The following SPIRE2 variants were observed in gnomAD, a reference collection of about 807,000 sequenced individuals.
SPIRE2 encodes the protein protein spire homolog 2.
A neutral mutation model predicts 80.7 loss-of-function variants in SPIRE2; 76 were observed. The ratio of observed to expected loss-of-function variants is 0.94; its 90% CI spans 0.78 to 1.14. The LOEUF is 1.14. Ranked by LOEUF, SPIRE2 falls within the 50% of genes most tolerant of loss-of-function variation. The pLI is 0.00. For synonymous variants in SPIRE2, 535 were observed against 432.6 expected, an observed-to-expected ratio of 1.24 and a Z score of -2.94; for missense variants, 1,196 against 1,015.3, an observed-to-expected ratio of 1.18 and a Z score of -2.42.
At chr16:89,854,719 G>A in intron 5 of SPIRE2, 68 bp downstream of exon 5, 12 of 1,552,752 alleles carry the variant, frequency 7.7e-6, no homozygotes, top group Non-Finnish European at 1.0e-5. Flanking sequence ...GGACGCAGAT[G>A]AGCAGCCTGG....
chr16:89,829,246 C>T (rs1335624766), intron 1 of SPIRE2, among the ~76,000 whole-genome samples: 1 of 152,190 alleles, frequency 6.6e-6, no homozygotes, highest in Non-Finnish European at 1.5e-5. Flanking sequence ...CCTCACTTGG[C>T]GTCTGAACTG....
In SPIRE2 at chr16:89,850,461, A is replaced by G. The variant is rs1367543600; in HGVS notation, c.446A>G (p.Tyr149Cys). The G allele has an allele frequency of 6.4e-7, 1 of 1,560,798 alleles. No individual in the cohort carries two copies. The highest frequency in any genetic ancestry group is 1.8e-5 in the Admixed American group (1 of 54,208). Residue 149 changes from tyrosine (Y) to cysteine (C), a missense_variant, in exon 3 of 15, where the codon TAC (tyrosine) becomes TGC (cysteine). Transcript: ENST00000378247. ...GGCTGCGGTGCCGCCGATGAGGGCT[A>G]CGGGGGTCCCGAGGAGGAGGAGGAG... ...DSGCGAADEG[Y>C]GGPEEEEEAE...
chr16:89,836,817 T>A (rs1381695963), intron 1 of SPIRE2, among the ~76,000 whole-genome samples: 2 of 142,238 alleles, frequency 1.4e-5, no homozygotes, highest in Non-Finnish European at 3.0e-5. Flanking sequence ...CCGTCTCTAC[T>A]GAAAAAAAAA....
intron 2 of SPIRE2, chr16:89,845,723 C>G (rs2041552812): frequency 1.6e-6 from 1 of 637,832 alleles, no homozygotes; most frequent in Admixed American, 2.4e-5. Flanking sequence ...CAGGAAAAAT[C>G]AGCCTGGTGA....
rs767009992 is a variant in SPIRE2 at position 89,863,902 on chromosome 16, G to A, written c.1778+41G>A. ...AGCTGTCAGTTCACAAGGGAAGGAG[G>A]AGGCGAGAAACCTCGGGGCAGTACC... On this transcript the variant is annotated intron_variant, in intron 12 of 14. Transcript: ENST00000378247. The surrounding 1 kb of genome is among the most constrained non-coding windows in gnomAD (Gnocchi z 4.3). 20 of 1,547,580 alleles carry A rather than the reference G, an allele frequency of 1.3e-5. No homozygotes were observed. The highest frequency in any genetic ancestry group is 1.4e-5 in the Non-Finnish European group (16 of 1,127,164).
chr16:89,856,795 C>T (rs1437787382), intron 7 of SPIRE2, among the ~76,000 whole-genome samples: 1 of 151,870 alleles, frequency 6.6e-6, no homozygotes, highest in Non-Finnish European at 1.5e-5. Context: ...CTCAGTAGCT[C>T]ATGCCTTGTA....
Position 89,855,836 on chromosome 16 carries a change from C to A in SPIRE2, c.978+150C>A. The A allele has an allele frequency of 5.3e-6, 5 of 934,598 alleles. No homozygotes were observed. The South Asian group carries it at 8.2e-5, about 15-fold the overall frequency. The allele number at this position is 934,598 out of a possible 1,614,324, so 57.9% of individuals were successfully genotyped here. On this transcript the variant is annotated intron_variant, in intron 6 of 14. Coordinates refer to ENST00000378247, the MANE Select transcript of SPIRE2 (RefSeq NM_032451.2). Reference sequence around the variant, plus strand: ...GTCACGGGTGAGGCGGGCTGGCTTCCTCTTGCCTGTGTGCCAGCCCGGGGC... The same window carrying A: ...GTCACGGGTGAGGCGGGCTGGCTTCATCTTGCCTGTGTGCCAGCCCGGGGC...
chr16:89,842,667 C>G (rs1482763982), intron 1 of SPIRE2, among the ~76,000 whole-genome samples: 1 of 152,230 alleles, frequency 6.6e-6, no homozygotes, highest in Non-Finnish European at 1.5e-5. Context: ...AAGGGCCAGC[C>G]GGCCACCAGT....
At chr16:89,856,660 A>T (rs1337534888) in intron 7 of SPIRE2, among the ~76,000 whole-genome samples, 1 of 145,282 alleles carries the variant, frequency 6.9e-6, no homozygotes, top group Non-Finnish European at 1.5e-5. Flanking sequence ...GGGTTTCACC[A>T]TATTGGCCAG....
At position 89,863,950 on chromosome 16, in the gene SPIRE2, C is replaced by G. The variant is rs2041767088; in HGVS notation, c.1778+89C>G. The stretch of plus-strand genomic sequence containing the variant: ...ACCGCCCACAGAACTTCCTGTGATT[C>G]CAGGAATGTTCTAGCATGTTCGATG... On this transcript the variant is annotated intron_variant, in intron 12 of 14. Transcript: ENST00000378247. The surrounding 1 kb of genome is among the most constrained non-coding windows in gnomAD (Gnocchi z 4.3). 5 of 969,086 alleles carry G rather than the reference C, an allele frequency of 5.2e-6. No homozygotes were observed. Among genetic ancestry groups the G allele is most frequent in the Non-Finnish European group, 8.0e-6 (5 of 625,394 alleles). 60.0% of individuals were successfully genotyped at this position (969,086 alleles called of 1,614,324 possible).
chr16:89,837,626 G>A lies in SPIRE2; in HGVS notation c.245-7696G>A, dbSNP rs539883422. Among the ~76,000 whole-genome samples, 24 of 152,322 alleles carry A rather than the reference G, an allele frequency of 1.6e-4. No individual in the cohort carries two copies. In the South Asian group the frequency reaches 3.1e-3, roughly 20 times the overall value. On this transcript the variant is annotated intron_variant, in intron 1 of 14. Transcript: ENST00000378247. ...GGGATCCCTGCAGGAGCGGAGAAGCGGGGGATCAGGGGCACTGCTGAGGGC... is the reference window on the plus strand; with the variant it reads ...GGGATCCCTGCAGGAGCGGAGAAGCAGGGGATCAGGGGCACTGCTGAGGGC...
chr16:89,836,624 A>G (rs1267803895), intron 1 of SPIRE2, among the ~76,000 whole-genome samples: 1 of 152,152 alleles, frequency 6.6e-6, no homozygotes. Context: ...TCCGGAATGT[A>G]CATTCACCCA....
intron 1 of SPIRE2, among the ~76,000 whole-genome samples, chr16:89,829,057 G>A (rs1291972129): frequency 1.3e-5 from 2 of 152,132 alleles, no homozygotes; most frequent in Non-Finnish European, 2.9e-5. Flanking sequence ...GCCTCTCCCA[G>A]CGCGGAGCGG....
At chr16:89,859,689 G>A (rs1012130267) in intron 9 of SPIRE2, among the ~76,000 whole-genome samples, 1 of 152,174 alleles carries the variant, frequency 6.6e-6, no homozygotes, top group Non-Finnish European at 1.5e-5. Context: ...GAAGGGAGCC[G>A]TGTGTCCGTG....
intron 6 of SPIRE2, 171 bp downstream of exon 6, chr16:89,855,857 G>A (rs879489706): frequency 2.1e-4 from 185 of 887,654 alleles, no homozygotes; most frequent in Non-Finnish European, 2.7e-4. Context: ...GTGCCAGCCC[G>A]GGGCTGTGTG....
chr16:89,833,152 T>A (rs1365527799), intron 1 of SPIRE2, among the ~76,000 whole-genome samples: 1 of 151,116 alleles, frequency 6.6e-6, no homozygotes, highest in African/African-American at 2.4e-5. Flanking sequence ...CCACCGCACA[T>A]GCCTTTTTGT....
intron 13 of SPIRE2, 126 bp from the exon 14 acceptor site, chr16:89,869,441 G>T: frequency 1.5e-6 from 1 of 662,480 alleles, no homozygotes; most frequent in South Asian, 1.7e-5. Flanking sequence ...CAGGGACAGA[G>T]AATATTCTCC....
intron 3 of SPIRE2, among the ~76,000 whole-genome samples, 197 bp from the exon 4 acceptor site, chr16:89,854,089 C>T (rs34552238): frequency 0.14 from 21,887 of 152,320 alleles, 2,004 homozygotes; most frequent in Non-Finnish European, 0.2. Flanking sequence ...ACACCTGTGT[C>T]CGCCGCCTGT....
intron 2 of SPIRE2, among the ~76,000 whole-genome samples, chr16:89,848,242 G>A (rs976071910): frequency 3.9e-5 from 6 of 152,318 alleles, no homozygotes; most frequent in Non-Finnish European, 5.9e-5. Flanking sequence ...CCGAGCCCTG[G>A]CCAGGGCCCT....
Sources: allele counts gnomAD v4.1 joint callset (sites outside exome capture counted in the v4.1 genomes callset), GRCh38; gene constraint gnomAD v4.1.1; non-coding constraint Gnocchi (gnomAD v3.1); transcripts MANE v1.5; gene names NCBI Gene and HGNC (gene_info 2026-07-23, HGNC 2026-07-21).